The following ARAP3 variants were observed in gnomAD, a reference collection of about 807,000 sequenced individuals.
ARAP3 encodes the protein arf-GAP with Rho-GAP domain, ANK repeat and PH domain-containing protein 3.
A neutral mutation model predicts 169.2 loss-of-function variants in ARAP3; 82 were observed. The ratio of observed to expected loss-of-function variants is 0.48; its 90% CI spans 0.41 to 0.58. The LOEUF is 0.58. Ranked by LOEUF, ARAP3 falls within the 20% of genes least tolerant of loss-of-function variation. The probability of loss-of-function intolerance (pLI) is 0.00; values close to 1 mark genes in which losing one functional copy is unlikely to be tolerated. For synonymous variants in ARAP3, 791 were observed against 800.3 expected, an observed-to-expected ratio of 0.99 and a Z score of 0.20; for missense variants, 1,764 against 2,018.0, an observed-to-expected ratio of 0.87 and a Z score of 2.41.
Position 141,672,495 on chromosome 5 carries a change from C to T in ARAP3, c.1385+57G>A. ...CTAAAGAGGCCTCTAGTCCTCTGCACCCTTGTGCCTCCCGCAAAAGTCCCC... is the reference window on the plus strand; with the variant it reads ...CTAAAGAGGCCTCTAGTCCTCTGCATCCTTGTGCCTCCCGCAAAAGTCCCC... On this transcript the variant is annotated intron_variant, in intron 9 of 32. Coordinates refer to ENST00000239440, the MANE Select transcript of ARAP3 (RefSeq NM_022481.6). The surrounding 1 kb of genome is among the most constrained non-coding windows in gnomAD (Gnocchi z 4.9). The T allele has an allele frequency of 6.3e-7, 1 of 1,590,090 alleles. No individual in the cohort carries two copies. The highest frequency in any genetic ancestry group is 2.3e-5 in the East Asian group (1 of 44,000).
chr5:141,661,955 T>C, intron 20 of ARAP3, 88 bp downstream of exon 20: 1 of 1,565,682 alleles, frequency 6.4e-7, no homozygotes, highest in Non-Finnish European at 8.8e-7. Context: ...TGGGAAGTGA[T>C]GGGGCGGAGG....
chr5:141,672,426 C>T lies in ARAP3; in HGVS notation c.1386-125G>A, dbSNP rs2099911572. 2 of 1,477,948 alleles carry T rather than the reference C, an allele frequency of 1.4e-6. No homozygotes were observed. Among genetic ancestry groups the T allele is most frequent in the East Asian group, 2.4e-5 (1 of 41,394 alleles). The allele number at this position is 1,477,948 out of a possible 1,614,324, so 91.6% of individuals were successfully genotyped here. On this transcript the variant is annotated intron_variant, in intron 9 of 32. Transcript: ENST00000239440. The surrounding 1 kb of genome is among the most constrained non-coding windows in gnomAD (Gnocchi z 4.9). ...GCCCAGACCCTTCTGACATCTTGAC[C>T]TAGCTCACTGGACTACCATCTGTGC... is the stretch of plus-strand genomic sequence containing the variant.
intron 4 of ARAP3, among the ~76,000 whole-genome samples, chr5:141,677,066 C>A (rs778169582): frequency 2.0e-5 from 3 of 152,016 alleles, no homozygotes; most frequent in Non-Finnish European, 2.9e-5. Flanking sequence ...GAAGTTAATG[C>A]GAACCAAGTA....
rs754530811 is a variant in ARAP3 at position 141,671,837 on chromosome 5, G to A, written c.1671+58C>T. 8.7e-6 allele frequency: 14 copies of A among 1,612,670 alleles called. No individual in the cohort carries two copies. Among genetic ancestry groups the A allele is most frequent in the African/African-American group, 2.7e-5 (2 of 74,884 alleles). ...ATTCCTGTCCCCAGGCTGGCCCAAG[G>A]CCTGCTTCTGGACGCTCCCTTCTAC... On this transcript the variant is annotated intron_variant, in intron 11 of 32. Transcript: ENST00000239440. This position sits in a 1 kb window ranked among gnomAD's most constrained non-coding sequence, Gnocchi z 4.9.
Position 141,659,803 on chromosome 5 carries a change from A to G in ARAP3, c.3243T>C (p.Ile1081=), listed in dbSNP as rs763025487. ...CATCAAAGACAGAGATGTAGCCATC[A>G]ATGAGCTCTTGCAGCACTCGCACCT... is the stretch of plus-strand genomic sequence containing the variant. ...EHEVRVLQEL[I]DGYISVFDID... Residue 1081 remains isoleucine (I), a synonymous_variant, in exon 22 of 33, where the codon ATT becomes ATC. Transcript: ENST00000239440. The G allele has an allele frequency of 1.9e-6, 3 of 1,612,762 alleles. No homozygotes were observed. The highest frequency in any genetic ancestry group is 2.5e-6 in the Non-Finnish European group (3 of 1,179,304).
intron 4 of ARAP3, among the ~76,000 whole-genome samples, chr5:141,676,079 G>A: frequency 6.6e-6 from 1 of 152,148 alleles, no homozygotes; most frequent in Non-Finnish European, 1.5e-5. Context: ...ACTCTTGTTG[G>A]ACAGGTACGG....
Position 141,673,705 on chromosome 5 carries a change from TCTC to T in ARAP3, c.799_801del (p.Glu267del). The T allele has an allele frequency of 1.2e-6, 2 of 1,614,148 alleles. No individual in the cohort carries two copies. Among genetic ancestry groups the T allele is most frequent in the African/African-American group, 1.3e-5 (1 of 75,020 alleles). On this transcript the variant is annotated inframe_deletion, in exon 5 of 33. Transcript: ENST00000239440. ...TAGGGTGAAATGAGGTCATCACTGG[TCTC>T]CTCTGTTTCCAGGGTGGGCGATAAG...
intron 19 of ARAP3, among the ~76,000 whole-genome samples, chr5:141,664,053 G>C (rs1313478879): frequency 6.6e-6 from 1 of 152,182 alleles, no homozygotes; most frequent in East Asian, 1.9e-4. Flanking sequence ...AGGGTTCACA[G>C]GAGAAATAGA....
rs2099908910 is a variant in ARAP3 at position 141,654,313 on chromosome 5, G to A, written c.4272C>T (p.Ser1424=). ...FPELIQDTST[S]FSTTREWTVK... ...CTGTCCACTCCCGTGTGGTGGAGAA[G>A]GAGGTAGAAGTGTCCTGGATCAACT... is the stretch of plus-strand genomic sequence containing the variant. Residue 1424 remains serine, a synonymous_variant, in exon 33 of 33, where the codon TCC becomes TCT. Transcript: ENST00000239440. The A allele has an allele frequency of 6.2e-7, 1 of 1,614,018 alleles. No homozygotes were observed. Among genetic ancestry groups the A allele is most frequent in the South Asian group, 1.1e-5 (1 of 91,086 alleles).
chr5:141,655,269 G>T, intron 32 of ARAP3, 93 bp downstream of exon 32: 6 of 1,243,462 alleles, frequency 4.8e-6, no homozygotes, highest in Non-Finnish European at 5.5e-6. Flanking sequence ...CCCCCTGATG[G>T]CCTACATGAG....
chr5:141,672,664 G>A lies in ARAP3; in HGVS notation c.1279-6C>T. On this transcript the variant is annotated splice_region_variant and splice_polypyrimidine_tract_variant and intron_variant, in intron 8 of 32. Coordinates refer to ENST00000239440, the MANE Select transcript of ARAP3 (RefSeq NM_022481.6). This position sits in a 1 kb window ranked among gnomAD's most constrained non-coding sequence, Gnocchi z 4.9. ...CCGATGCCCAGAGAGAAGGCCTGGT[G>A]GGGTCAGGGGGTGGGCATCATGAGG... 1 of 1,613,778 alleles carries A rather than the reference G, an allele frequency of 6.2e-7. No individual in the cohort carries two copies. Among genetic ancestry groups the A allele is most frequent in the Non-Finnish European group, 8.5e-7 (1 of 1,179,800 alleles).
chr5:141,658,463 G>A lies in ARAP3; in HGVS notation c.3428C>T (p.Thr1143Ile), dbSNP rs1562404904. Residue 1143 changes from threonine (T) to isoleucine (I), a missense_variant, in exon 25 of 33, where the codon ACT (threonine) becomes ATT (isoleucine). Coordinates refer to ENST00000239440, the MANE Select transcript of ARAP3 (RefSeq NM_022481.6). The stretch of plus-strand genomic sequence containing the variant: ...TACCTGGTTAGTCAGCTCCTCAGCA[G>A]TCAGGGTTGGGGACACCTGGGGTCA... ...CVTLKVSPTL[T>I]AEELTNQVLE... 6.2e-7 allele frequency: 1 copy of A among 1,614,170 alleles called. No homozygotes were observed. The highest frequency in any genetic ancestry group is 8.5e-7 in the Non-Finnish European group (1 of 1,180,028).
intron 4 of ARAP3, among the ~76,000 whole-genome samples, chr5:141,676,659 T>A (rs911100121): frequency 1.3e-5 from 2 of 152,180 alleles, no homozygotes; most frequent in South Asian, 2.1e-4. Context: ...TCCTATGACA[T>A]CACATTCTCC....
intron 21 of ARAP3, among the ~76,000 whole-genome samples, chr5:141,661,442 A>T (rs1253161042): frequency 6.6e-6 from 1 of 152,234 alleles, no homozygotes; most frequent in Non-Finnish European, 1.5e-5. Flanking sequence ...GAAATGAAGA[A>T]ATTGAGGCCC....
At chr5:141,660,574 G>A (rs1413624756) in intron 21 of ARAP3, among the ~76,000 whole-genome samples, 1 of 151,854 alleles carries the variant, frequency 6.6e-6, no homozygotes, top group Non-Finnish European at 1.5e-5. Flanking sequence ...ACAAACATAG[G>A]CAACAAGCTG....
chr5:141,655,504 AG>A, intron 31 of ARAP3, 104 bp from the exon 32 acceptor site: 1 of 1,576,470 alleles, frequency 6.3e-7, no homozygotes, highest in Non-Finnish European at 8.7e-7. Flanking sequence ...AGAAGGCAGA[AG>A]GGAGGGGGAC....
intron 17 of ARAP3, among the ~76,000 whole-genome samples, chr5:141,666,025 C>T (rs1330294687): frequency 5.1e-5 from 7 of 138,558 alleles, no homozygotes; most frequent in African/African-American, 1.9e-4. Flanking sequence ...GGGGACAGAG[C>T]GTGACTCTGT....
intron 17 of ARAP3, 112 bp from the exon 18 acceptor site, chr5:141,665,486 G>A (rs753841184): frequency 5.3e-6 from 6 of 1,126,318 alleles, no homozygotes; most frequent in African/African-American, 3.1e-5. Context: ...TACAAAAAAC[G>A]TTCAGTTGAA....
At position 141,656,725 on chromosome 5, in the gene ARAP3, G is replaced by A. The variant is rs1425812648; in HGVS notation, c.3648C>T (p.Leu1216=). The A allele has an allele frequency of 1.2e-6, 2 of 1,612,302 alleles. No homozygotes were observed. The highest frequency in any genetic ancestry group is 1.7e-6 in the Non-Finnish European group (2 of 1,179,310). ...CAGAGGAAGGAGGCTCACCTGTGAA[G>A]AGGCAGCCAGCTTGGGCCAGGGGGA... is the stretch of plus-strand genomic sequence containing the variant. The part of the protein sequence containing the change: ...KKVPLAQAGC[L]FTGIRRESPR... Residue 1216 remains leucine (L), a synonymous_variant, in exon 26 of 33, where the codon CTC becomes CTT. Coordinates refer to ENST00000239440, the MANE Select transcript of ARAP3 (RefSeq NM_022481.6).
Sources: gnomAD v4.1 joint callset for allele counts (sites outside exome capture counted in the v4.1 genomes callset) on GRCh38, gnomAD v4.1.1 for gene constraint, Gnocchi (gnomAD v3.1) non-coding constraint, MANE v1.5 for transcripts, NCBI Gene and HGNC (gene_info 2026-07-23, HGNC 2026-07-21) for gene names.